Variants in MRPS17 observed in about 807,000 individuals in gnomAD.
MRPS17 encodes mitochondrial ribosomal protein S17.
MRPS17 carries 6 observed loss-of-function variants against 11.3 expected under a neutral mutation model. The ratio of observed to expected loss-of-function variants is 0.53; its 90% CI spans 0.29 to 1.05. The LOEUF is 1.05. MRPS17 is among the 50% of genes least tolerant of loss of function. The pLI is 0.08. For missense variants in MRPS17, 139 were observed against 153.6 expected (o/e 0.90, Z 0.50); for synonymous variants, 56 against 60.4 (o/e 0.93, Z 0.34).
Position 55,955,350 on chromosome 7 carries a change from G to C in MRPS17, c.*172G>C. The C allele has an allele frequency of 5.0e-6, 4 of 798,996 alleles. No homozygotes were observed. Among genetic ancestry groups the C allele is most frequent in the Non-Finnish European group, 5.9e-6 (3 of 512,470 alleles). The allele number at this position is 798,996 out of a possible 1,614,324, so 49.5% of individuals were successfully genotyped here. On this transcript the variant is annotated 3_prime_UTR_variant, in exon 3 of 3. Coordinates refer to ENST00000285298, the MANE Select transcript of MRPS17 (RefSeq NM_015969.3). Reference sequence around the variant, plus strand: ...CTATGGTTTTTCACAAAGGTTTATGGTCGTGTTTCAAATTTTCATCATTTC... The same window carrying C: ...CTATGGTTTTTCACAAAGGTTTATGCTCGTGTTTCAAATTTTCATCATTTC...
At chr7:55,953,419 C>A (rs1786678287) in intron 2 of MRPS17, 101 bp downstream of exon 2, 1 of 1,513,824 alleles carries the variant, frequency 6.6e-7, no homozygotes, top group African/African-American at 1.4e-5. Context: ...TGTCTTGTCT[C>A]TCATCTGCTT....
chr7:55,954,415 A>G (rs1367441399), intron 2 of MRPS17, among the ~76,000 whole-genome samples: 1 of 152,196 alleles, frequency 6.6e-6, no homozygotes, highest in Non-Finnish European at 1.5e-5. Context: ...ACCTGCTGCA[A>G]CAGGGTTGTT....
intron 2 of MRPS17, among the ~76,000 whole-genome samples, chr7:55,953,555 C>T (rs946995858): frequency 1.3e-5 from 2 of 152,206 alleles, no homozygotes; most frequent in Non-Finnish European, 2.9e-5. Flanking sequence ...GATGAGGTGG[C>T]TCACACCTGT....
At chr7:55,954,152 T>A (rs1471696705) in intron 2 of MRPS17, among the ~76,000 whole-genome samples, 2 of 151,892 alleles carry the variant, frequency 1.3e-5, no homozygotes, top group Non-Finnish European at 2.9e-5. Flanking sequence ...GTGGAAAAAA[T>A]ATTTCAGGAA....
intron 1 of MRPS17, among the ~76,000 whole-genome samples, chr7:55,952,491 T>C (rs978641193): frequency 6.6e-6 from 1 of 151,136 alleles, no homozygotes; most frequent in Non-Finnish European, 1.5e-5. Flanking sequence ...CCCAGCACTT[T>C]GGGAGGCTTG....
intron 2 of MRPS17, 33 bp downstream of exon 2, chr7:55,953,351 G>A: frequency 6.2e-7 from 1 of 1,611,118 alleles, no homozygotes; most frequent in Non-Finnish European, 8.5e-7. Context: ...GGTGGCTTTG[G>A]TAAATCACCA....
At chr7:55,954,664 C>T (rs915713991) in intron 2 of MRPS17, among the ~76,000 whole-genome samples, 1 of 152,154 alleles carries the variant, frequency 6.6e-6, no homozygotes, top group African/African-American at 2.4e-5. Context: ...ATCTGGGAGG[C>T]GGAGGTTGCA....
Position 55,954,936 on chromosome 7 carries a change from G to T in MRPS17, c.151G>T (p.Ala51Ser), listed in dbSNP as rs778925355. Residue 51 changes from alanine (A) to serine (S), a missense_variant, in exon 3 of 3, where the codon GCT (alanine) becomes TCT (serine). Physicochemically the swap from Ala to Ser is moderately conservative, Grantham distance 99 (BLOSUM62 1). Coordinates refer to ENST00000285298, the MANE Select transcript of MRPS17 (RefSeq NM_015969.3). The stretch of plus-strand genomic sequence containing the variant: ...TTTTAATAAGCGGAAAACCTACTTT[G>T]CTCACGATGCCCTTCAGCAGTGCAC... ...KYFNKRKTYF[A>S]HDALQQCTVG... is the part of the protein sequence containing the mutation. 24 of 1,614,022 alleles carry T rather than the reference G, an allele frequency of 1.5e-5. No individual in the cohort carries two copies. Among genetic ancestry groups the T allele is most frequent in the Non-Finnish European group, 1.9e-5 (22 of 1,179,942 alleles).
chr7:55,953,251 G>C lies in MRPS17; in HGVS notation c.56G>C (p.Gly19Ala). ...AGATGGATTGTGGGGAAGGTGATTG[G>C]GACAAAAATGCAAAAGACTGCTAAA... is the stretch of plus-strand genomic sequence containing the variant. ...HARWIVGKVI[G>A]TKMQKTAKVR... The change falls in exon 2 of 3, where the codon GGG (glycine) becomes GCG (alanine). Residue 19 changes from glycine (G) to alanine (A), a missense_variant. Gly to Ala is a moderately conservative substitution (Grantham distance 60). Coordinates refer to ENST00000285298, the MANE Select transcript of MRPS17 (RefSeq NM_015969.3). 6.2e-7 allele frequency: 1 copy of C among 1,614,098 alleles called. No homozygotes were observed.
chr7:55,953,171 C>A lies in MRPS17; in HGVS notation c.-17-8C>A. 6.2e-7 allele frequency: 1 copy of A among 1,613,378 alleles called. No homozygotes were observed. The highest frequency in any genetic ancestry group is 1.3e-5 in the African/African-American group (1 of 74,998). ...CCAGAATATGAGACTTTGGAATTTG[C>A]TTTTCAGGTGACCAAAGCCACGTAA... On this transcript the variant is annotated splice_region_variant and splice_polypyrimidine_tract_variant and intron_variant, in intron 1 of 2. Transcript: ENST00000285298.
At chr7:55,953,340 G>C (rs550539947) in intron 2 of MRPS17, 22 bp downstream of exon 2, 1 of 1,611,578 alleles carries the variant, frequency 6.2e-7, no homozygotes, top group South Asian at 1.1e-5. Context: ...TCTTGTTTCC[G>C]GGTGGCTTTG....
chr7:55,953,375 C>A, intron 2 of MRPS17, 57 bp downstream of exon 2: 1 of 1,588,478 alleles, frequency 6.3e-7, no homozygotes, highest in South Asian at 1.2e-5. Flanking sequence ...TGTCCTGGGT[C>A]CTAAGCAAAA....
In MRPS17 at chr7:55,955,227, T is replaced by C; in HGVS notation, c.*49T>C. The stretch of plus-strand genomic sequence containing the variant: ...AAGGGAAAAACTGACATGTTTATGT[T>C]ATGGAAAAAGAAATTTTTCTAAGTT... On this transcript the variant is annotated 3_prime_UTR_variant, in exon 3 of 3. Coordinates refer to ENST00000285298, the MANE Select transcript of MRPS17 (RefSeq NM_015969.3). The C allele has an allele frequency of 1.9e-6, 3 of 1,560,592 alleles. No individual in the cohort carries two copies. Among genetic ancestry groups the C allele is most frequent in the Non-Finnish European group, 2.6e-6 (3 of 1,155,140 alleles).
chr7:55,951,921 C>T lies in MRPS17; in HGVS notation c.-27C>T, dbSNP rs546551573. ...TCCCCGGGGCAGGTGGCTGCATAGT[C>T]TTGGCGGAGGTGAGTCTCGTGGTGG... is the stretch of plus-strand genomic sequence containing the variant. On this transcript the variant is annotated 5_prime_UTR_variant, in exon 1 of 3. Transcript: ENST00000285298. The T allele has an allele frequency of 4.8e-4, 74 of 152,674 alleles. No individual in the cohort carries two copies. Among genetic ancestry groups the T allele is most frequent in the African/African-American group, 1.6e-3 (68 of 41,594 alleles). 9.5% of individuals were successfully genotyped at this position (152,674 alleles called of 1,614,324 possible). A position where few individuals can be genotyped will look rare whatever the true frequency, so the allele number is the denominator to read the frequency against.
chr7:55,954,914 T>TA lies in MRPS17; in HGVS notation c.131dup (p.Asn44LysfsTer2), dbSNP rs1786703944. 2.5e-6 allele frequency: 4 copies of TA among 1,613,188 alleles called. No homozygotes were observed. In the East Asian group the frequency reaches 8.9e-5, roughly 36 times the overall value. ...TTCTCTCCCTCTCTCAACAGTATTTTAATAAGCGGAAAACCTACTTTGCTC... is the reference window on the plus strand; with the variant it reads ...TTCTCTCCCTCTCTCAACAGTATTTTAAATAAGCGGAAAACCTACTTTGCTC... On this transcript the variant is annotated frameshift_variant, in exon 3 of 3. Transcript: ENST00000285298. LOFTEE classifies it high-confidence loss of function.
Position 55,953,250 on chromosome 7 carries a change from G to A in MRPS17, c.55G>A (p.Gly19Arg), listed in dbSNP as rs757628417. The A allele has an allele frequency of 1.2e-5, 20 of 1,614,142 alleles. No individual in the cohort carries two copies. In the East Asian group the frequency reaches 3.3e-4, roughly 27 times the overall value. ...HARWIVGKVI[G>R]TKMQKTAKVR... ...CAGATGGATTGTGGGGAAGGTGATTGGGACAAAAATGCAAAAGACTGCTAA... is the reference window on the plus strand; with the variant it reads ...CAGATGGATTGTGGGGAAGGTGATTAGGACAAAAATGCAAAAGACTGCTAA... Residue 19 changes from glycine to arginine, a missense_variant, in exon 2 of 3, where the codon GGG (glycine) becomes AGG (arginine). Physicochemically the swap from Gly to Arg is moderately radical, Grantham distance 125. Coordinates refer to ENST00000285298, the MANE Select transcript of MRPS17 (RefSeq NM_015969.3).
At chr7:55,952,675 C>G (rs1164909668) in intron 1 of MRPS17, among the ~76,000 whole-genome samples, 1 of 151,310 alleles carries the variant, frequency 6.6e-6, no homozygotes, top group Non-Finnish European at 1.5e-5. Flanking sequence ...GCGGAGGTTG[C>G]AGTGAGCCGA....
At chr7:55,953,465 C>T (rs1786678863) in intron 2 of MRPS17, 147 bp downstream of exon 2, 4 of 1,095,698 alleles carry the variant, frequency 3.7e-6, no homozygotes, top group South Asian at 3.2e-5. Context: ...AGGTATAACA[C>T]GGTTTACACA....
At position 55,954,895 on chromosome 7, in the gene MRPS17, C is replaced by T. The variant is rs750701521; in HGVS notation, c.124-14C>T. The T allele has an allele frequency of 1.2e-6, 2 of 1,607,462 alleles. No homozygotes were observed. Among genetic ancestry groups the T allele is most frequent in the African/African-American group, 1.3e-5 (1 of 74,882 alleles). Reference sequence around the variant, plus strand: ...ATGGGAACTACTGATTTGCTTCTCTCCCTCTCTCAACAGTATTTTAATAAG... The same window carrying T: ...ATGGGAACTACTGATTTGCTTCTCTTCCTCTCTCAACAGTATTTTAATAAG... On this transcript the variant is annotated splice_polypyrimidine_tract_variant and intron_variant, in intron 2 of 2. Coordinates refer to ENST00000285298, the MANE Select transcript of MRPS17 (RefSeq NM_015969.3).
Sources: allele counts gnomAD v4.1 joint callset (sites outside exome capture counted in the v4.1 genomes callset), GRCh38; gene constraint gnomAD v4.1.1; transcripts MANE v1.5; gene names NCBI Gene and HGNC (gene_info 2026-07-23, HGNC 2026-07-21).